The following CHN1 variants were observed in gnomAD, a reference collection of about 807,000 sequenced individuals.
CHN1 encodes the protein chimerin 1.
In CHN1, 37 loss-of-function variants were observed where a neutral mutation model predicts 59.5. The observed-to-expected ratio is 0.62, with a 90% CI of 0.48 to 0.82. The LOEUF is 0.82. CHN1 is among the 40% of genes least tolerant of loss of function. The pLI, the probability that CHN1 is intolerant of heterozygous loss-of-function variation, is 0.00. For synonymous variants in CHN1, 206 were observed against 200.4 expected (o/e 1.03, Z -0.24); for missense variants, 469 against 571.0 (o/e 0.82, Z 1.82).
intron 7 of CHN1, among the ~76,000 whole-genome samples, chr2:174,827,375 G>C (rs1685723174): frequency 6.6e-6 from 1 of 152,184 alleles, no homozygotes; most frequent in Admixed American, 6.5e-5. Context: ...CAAAGTGTGA[G>C]AGAAGCTGGG....
At chr2:174,969,690 ACT>A (rs1051093671) in intron 1 of CHN1, among the ~76,000 whole-genome samples, 7 of 150,194 alleles carry the variant, frequency 4.7e-5, no homozygotes, top group Non-Finnish European at 7.4e-5. Context: ...GACACTTCAT[ACT>A]CTTTTTTTTT....
In CHN1 at chr2:175,005,263, T is replaced by TGGCGGCGGC. The variant is rs749234310; in HGVS notation, c.-360_-352dup. 28 of 1,032,404 alleles carry TGGCGGCGGC rather than the reference T, an allele frequency of 2.7e-5. No homozygotes were observed. The highest frequency in any genetic ancestry group is 8.3e-4 in the Middle Eastern group (2 of 2,402). 64.0% of individuals were successfully genotyped at this position (1,032,404 alleles called of 1,614,324 possible). The stretch of plus-strand genomic sequence containing the variant: ...GGCTGGCGGAGAGGCGGCGCCGCAC[T>TGGCGGCGGC]GGCGGCGGCGGCGGCGGCGACGGGG... On this transcript the variant is annotated 5_prime_UTR_variant, in exon 1 of 13. Coordinates refer to ENST00000409900, the MANE Select transcript of CHN1 (RefSeq NM_001822.7).
chr2:174,876,645 A>C (rs1248777348), intron 6 of CHN1, among the ~76,000 whole-genome samples: 1 of 152,216 alleles, frequency 6.6e-6, no homozygotes, highest in South Asian at 2.1e-4. Context: ...CAAAATGCCA[A>C]TGTAAGATCT....
At chr2:174,823,664 G>GAA (rs58763231) in intron 8 of CHN1, among the ~76,000 whole-genome samples, 1 of 132,526 alleles carries the variant, frequency 7.5e-6, no homozygotes, top group Non-Finnish European at 1.6e-5. Context: ...CTCTGTCTCA[G>GAA]AAAAAAAAAA....
chr2:174,952,209 G>GA lies in CHN1; in HGVS notation c.20-8dup. ...GGTCTATATTCATCTGTATCTGAAA[G>GA]AAAAAACATCAAATTAACATTACTG... On this transcript the variant is annotated splice_polypyrimidine_tract_variant and splice_region_variant and intron_variant, in intron 1 of 12. Coordinates refer to ENST00000409900, the MANE Select transcript of CHN1 (RefSeq NM_001822.7). The GA allele has an allele frequency of 4.2e-6, 6 of 1,414,062 alleles. No homozygotes were observed. The highest frequency in any genetic ancestry group is 5.6e-6 in the Non-Finnish European group (6 of 1,064,016). 87.6% of individuals were successfully genotyped at this position (1,414,062 alleles called of 1,614,324 possible).
At chr2:174,882,202 A>G (rs1687758391) in intron 5 of CHN1, among the ~76,000 whole-genome samples, 1 of 152,230 alleles carries the variant, frequency 6.6e-6, no homozygotes, top group African/African-American at 2.4e-5. Context: ...GTGTTACTAT[A>G]GTAAACAAAT....
chr2:174,848,303 T>C (rs1686608779), intron 6 of CHN1, among the ~76,000 whole-genome samples: 1 of 152,170 alleles, frequency 6.6e-6, no homozygotes, highest in African/African-American at 2.4e-5. Flanking sequence ...TCAATTATAG[T>C]GTAACTACTT....
chr2:174,857,749 A>T (rs1473715081), intron 6 of CHN1, among the ~76,000 whole-genome samples: 1 of 152,070 alleles, frequency 6.6e-6, no homozygotes. Flanking sequence ...ATTTTTGTCA[A>T]TTTTTACCCA....
Position 174,895,098 on chromosome 2 carries a change from AG to A in CHN1, c.261-16971del, listed in dbSNP as rs201895499. On this transcript the variant is annotated intron_variant, in intron 5 of 12. Coordinates refer to ENST00000409900, the MANE Select transcript of CHN1 (RefSeq NM_001822.7). The stretch of plus-strand genomic sequence containing the variant: ...AGGGTTTAGTACTATCCACAGTTTC[AG>A]GTATCCACTGGGGTCTTGAATGTAT... Among the ~76,000 whole-genome samples the A allele has an allele frequency of 9.0e-3, 1,352 of 150,096 alleles. 46 individuals are homozygous for A. Among genetic ancestry groups the A allele is most frequent in the Admixed American group, 0.051 (767 of 15,018 alleles).
chr2:174,817,838 C>T (rs1450820779), intron 8 of CHN1, among the ~76,000 whole-genome samples: 3 of 152,054 alleles, frequency 2.0e-5, no homozygotes, highest in African/African-American at 4.8e-5. Flanking sequence ...GGAGTTTCAC[C>T]GTGTTAGCCA....
At chr2:174,990,633 C>G (rs1691517770) in intron 1 of CHN1, among the ~76,000 whole-genome samples, 1 of 152,096 alleles carries the variant, frequency 6.6e-6, no homozygotes, top group Admixed American at 6.6e-5. Flanking sequence ...CCATCTTGTT[C>G]CTTTTCTTGT....
intron 6 of CHN1, among the ~76,000 whole-genome samples, chr2:174,855,033 A>C (rs1040448557): frequency 6.6e-6 from 1 of 152,174 alleles, no homozygotes; most frequent in East Asian, 1.9e-4. Context: ...GGGTCTTATC[A>C]ATTCACACTA....
At chr2:174,910,998 A>T (rs994421102) in intron 5 of CHN1, among the ~76,000 whole-genome samples, 2 of 152,002 alleles carry the variant, frequency 1.3e-5, no homozygotes, top group Admixed American at 1.3e-4. Flanking sequence ...AAGGTTTTTC[A>T]CCTTCTTAAA....
In CHN1 at chr2:174,877,885, A is replaced by C; in HGVS notation, c.504T>G (p.His168Gln). The change falls in exon 6 of 13, where the codon CAT (histidine) becomes CAG (glutamine). Residue 168 changes from histidine to glutamine, a missense_variant. Around this residue, in one of 5 missense-constraint regions of CHN1, gnomAD observed 81 missense variants for 71.7 expected, o/e 1.13. Transcript: ENST00000409900. Reference protein sequence around the residue: ...KKHMPVLKETHDERDSTGQDG... With the variant: ...KKHMPVLKETQDERDSTGQDG... ...CCTGGCCTGTAGAATCTCTCTCATC[A>C]TGTGTCTCTTTCAGGACTGGCATAT... 6.2e-7 allele frequency: 1 copy of C among 1,613,706 alleles called. No homozygotes were observed. The highest frequency in any genetic ancestry group is 8.5e-7 in the Non-Finnish European group (1 of 1,179,736).
At chr2:174,847,879 G>A (rs1686589173) in intron 6 of CHN1, 1 of 411,798 alleles carries the variant, frequency 2.4e-6, no homozygotes, top group Non-Finnish European at 4.7e-6. Context: ...TAAAAGCAGA[G>A]GAAAATTAAC....
chr2:174,987,361 A>G (rs1005907962), intron 1 of CHN1, among the ~76,000 whole-genome samples: 1 of 152,006 alleles, frequency 6.6e-6, no homozygotes, highest in Non-Finnish European at 1.5e-5. Context: ...ATATACATAG[A>G]AACTCAAATT....
At chr2:174,838,967 A>T (rs1470036349) in intron 7 of CHN1, among the ~76,000 whole-genome samples, 1 of 151,796 alleles carries the variant, frequency 6.6e-6, no homozygotes, top group Non-Finnish European at 1.5e-5. Flanking sequence ...CAGTGAGCTG[A>T]GATTGTGCCA....
chr2:174,973,819 T>C (rs1301448913), intron 1 of CHN1, among the ~76,000 whole-genome samples: 1 of 152,240 alleles, frequency 6.6e-6, no homozygotes, highest in African/African-American at 2.4e-5. Flanking sequence ...GCTATTGTTA[T>C]TGTTATTATT....
At chr2:174,846,736 C>G in intron 7 of CHN1, 144 bp downstream of exon 7, 1 of 902,520 alleles carries the variant, frequency 1.1e-6, no homozygotes, top group Non-Finnish European at 1.6e-6. Context: ...CAAGTAAAAT[C>G]AGGCTGAAAA....
Sources: gnomAD v4.1 joint callset for allele counts (sites outside exome capture counted in the v4.1 genomes callset) on GRCh38, gnomAD v4.1.1 for gene constraint, gnomAD v4.1.1 regional missense constraint, MANE v1.5 for transcripts, NCBI Gene and HGNC (gene_info 2026-07-23, HGNC 2026-07-21) for gene names.